NRXN3: variants seen among roughly 807,000 people sequenced by gnomAD.
NRXN3 encodes neurexin 3.
Under a neutral mutation model 137.6 loss-of-function variants are expected in NRXN3, and 32 were observed. That is an observed-to-expected ratio of 0.23 (90% CI 0.18 to 0.31). The LOEUF (loss-of-function observed/expected upper bound fraction) is 0.31. Ranked by LOEUF, NRXN3 falls within the 10% of genes least tolerant of loss-of-function variation. The pLI, the probability that NRXN3 is intolerant of heterozygous loss-of-function variation, is 1.00. For synonymous variants in NRXN3, 798 were observed against 784.5 expected, an observed-to-expected ratio of 1.02 and a Z score of -0.29; for missense variants, 1,574 against 2,062.5, an observed-to-expected ratio of 0.76 and a Z score of 4.59.
At chr14:78,548,348 C>G (rs1456726472) in intron 4 of NRXN3, among the ~76,000 whole-genome samples, 1 of 152,054 alleles carries the variant, frequency 6.6e-6, no homozygotes, top group African/African-American at 2.4e-5. Flanking sequence ...GAGAAGGTGG[C>G]TTTGAGCTAT....
intron 10 of NRXN3, among the ~76,000 whole-genome samples, chr14:78,843,829 G>T (rs2099019387): frequency 6.6e-6 from 1 of 152,046 alleles, no homozygotes; most frequent in Non-Finnish European, 1.5e-5. Context: ...AAGTTGTTAT[G>T]GCTGGCCCCA....
At chr14:79,371,747 T>A (rs1002847640) in intron 15 of NRXN3, among the ~76,000 whole-genome samples, 7 of 152,084 alleles carry the variant, frequency 4.6e-5, no homozygotes, top group Non-Finnish European at 1.0e-4. Flanking sequence ...GTGGGGAAAA[T>A]TCTTATGCAC....
intron 16 of NRXN3, among the ~76,000 whole-genome samples, chr14:79,473,317 A>C (rs1448672772): frequency 6.6e-6 from 1 of 152,124 alleles, no homozygotes; most frequent in African/African-American, 2.4e-5. Context: ...TTGTTTTTAC[A>C]TAGTTTATAG....
chr14:79,067,707 A>G (rs1337264740), intron 15 of NRXN3, among the ~76,000 whole-genome samples: 2 of 151,986 alleles, frequency 1.3e-5, no homozygotes, highest in Non-Finnish European at 1.5e-5. Flanking sequence ...AAGGAAGGCA[A>G]TCATGTTGGA....
intron 10 of NRXN3, among the ~76,000 whole-genome samples, chr14:78,858,776 G>C (rs1239960639): frequency 6.6e-6 from 1 of 152,172 alleles, no homozygotes; most frequent in African/African-American, 2.4e-5. Flanking sequence ...TCCTTTGCCA[G>C]CTTGTTTGAA....
At chr14:78,559,559 A>C (rs2096768785) in intron 4 of NRXN3, among the ~76,000 whole-genome samples, 1 of 152,218 alleles carries the variant, frequency 6.6e-6, no homozygotes, top group African/African-American at 2.4e-5. Flanking sequence ...AATCACACCA[A>C]ATACTTTCAG....
At chr14:79,168,873 T>C (rs369848858) in intron 15 of NRXN3, among the ~76,000 whole-genome samples, 91 of 152,270 alleles carry the variant, frequency 6.0e-4, no homozygotes, top group African/African-American at 2.2e-3. Context: ...CCTGTGCTAC[T>C]AAGTGCATTA....
At chr14:78,872,263 A>C (rs1245632953) in intron 10 of NRXN3, among the ~76,000 whole-genome samples, 4 of 147,740 alleles carry the variant, frequency 2.7e-5, no homozygotes, top group Non-Finnish European at 4.5e-5. Context: ...ATATATGTAT[A>C]TATATTTACA....
intron 15 of NRXN3, among the ~76,000 whole-genome samples, chr14:79,402,098 T>A (rs2095215359): frequency 6.6e-6 from 1 of 151,932 alleles, no homozygotes; most frequent in South Asian, 2.1e-4. Flanking sequence ...ATTTTTTATT[T>A]TATTTTTTTT....
intron 1 of NRXN3, among the ~76,000 whole-genome samples, chr14:78,181,400 T>C (rs1483349841): frequency 6.6e-6 from 1 of 152,186 alleles, no homozygotes; most frequent in Non-Finnish European, 1.5e-5. Context: ...TGTGAAGTCC[T>C]CTTTCCTTGG....
chr14:79,602,969 C>G (rs1041032508), intron 16 of NRXN3, among the ~76,000 whole-genome samples: 1 of 152,136 alleles, frequency 6.6e-6, no homozygotes, highest in East Asian at 1.9e-4. Flanking sequence ...CTGTGTGGAG[C>G]CTGGGAGCCT....
At chr14:79,095,219 G>A (rs550021958) in intron 15 of NRXN3, among the ~76,000 whole-genome samples, 15 of 152,178 alleles carry the variant, frequency 9.9e-5, no homozygotes, top group Middle Eastern at 3.4e-3. Context: ...AGGGACTTGG[G>A]TATCTACAGT....
chr14:79,751,775 G>C (rs1361254420), intron 19 of NRXN3, among the ~76,000 whole-genome samples: 2 of 151,688 alleles, frequency 1.3e-5, no homozygotes, highest in South Asian at 2.1e-4. Context: ...AGAGTTTTTA[G>C]CATGAAGGGC....
chr14:78,722,273 C>T (rs549157290), intron 8 of NRXN3, among the ~76,000 whole-genome samples: 19 of 152,202 alleles, frequency 1.2e-4, no homozygotes, highest in African/African-American at 4.3e-4. Context: ...TATGAACCAA[C>T]GGCACACCTG....
intron 16 of NRXN3, among the ~76,000 whole-genome samples, chr14:79,528,506 T>C (rs575474268): frequency 7.9e-5 from 12 of 152,328 alleles, no homozygotes; most frequent in Non-Finnish European, 1.5e-4. Flanking sequence ...TATGTGAGTA[T>C]GTTTGCATCA....
At chr14:78,904,745 G>T (rs539409732) in intron 10 of NRXN3, among the ~76,000 whole-genome samples, 1 of 151,410 alleles carries the variant, frequency 6.6e-6, no homozygotes, top group African/African-American at 2.4e-5. Context: ...TATTCTTTTC[G>T]TTAGCCAGGA....
Position 78,322,057 on chromosome 14 carries a change from G to A in NRXN3, c.757+24197G>A, listed in dbSNP as rs192085089. ...TCCAAAATTCTTACTCCTTTCTACC[G>A]CACTACCCTCAATCTGCATACCAGC... On this transcript the variant is annotated intron_variant, in intron 4 of 20. Coordinates refer to ENST00000335750, the MANE Select transcript of NRXN3 (RefSeq NM_001330195.2). Among the ~76,000 whole-genome samples, 285 of 151,690 alleles carry A rather than the reference G, an allele frequency of 1.9e-3. 3 individuals are homozygous for A. Among genetic ancestry groups the A allele is most frequent in the African/African-American group, 6.5e-3 (269 of 41,196 alleles).
At chr14:78,614,050 A>G (rs1181191581) in intron 4 of NRXN3, among the ~76,000 whole-genome samples, 2 of 152,154 alleles carry the variant, frequency 1.3e-5, no homozygotes, top group African/African-American at 4.8e-5. Flanking sequence ...GGGCTGCTCA[A>G]GGTGTTTCCT....
intron 4 of NRXN3, among the ~76,000 whole-genome samples, chr14:78,524,150 C>T (rs960985359): frequency 2.0e-5 from 3 of 152,008 alleles, no homozygotes; most frequent in East Asian, 1.9e-4. Context: ...GGGGTGGTCA[C>T]GATTATGGAT....
Sources: gnomAD v4.1 joint callset for allele counts (sites outside exome capture counted in the v4.1 genomes callset) on GRCh38, gnomAD v4.1.1 for gene constraint, MANE v1.5 for transcripts, NCBI Gene and HGNC (gene_info 2026-07-23, HGNC 2026-07-21) for gene names.